CHRNA7: variants seen among roughly 807,000 people sequenced by gnomAD.
The protein encoded by CHRNA7 is cholinergic receptor nicotinic alpha 7 subunit, also known as neuronal acetylcholine receptor subunit alpha-7.
In CHRNA7, 17 loss-of-function variants were observed where a neutral mutation model predicts 48.0. The observed-to-expected ratio is 0.35, with a 90% CI of 0.24 to 0.53. The LOEUF is 0.53. Ranked by LOEUF, CHRNA7 falls within the 20% of genes least tolerant of loss-of-function variation. The pLI, the probability that CHRNA7 is intolerant of heterozygous loss-of-function variation, is 0.92. For missense variants in CHRNA7, 155 were observed against 577.7 expected (o/e 0.27, Z 7.50); for synonymous variants, 75 against 242.3 (o/e 0.31, Z 6.41).
intron 4 of CHRNA7, among the ~76,000 whole-genome samples, chr15:32,114,022 A>ATATATATATATATATATATATG (rs2050808547): frequency 3.3e-4 from 9 of 26,904 alleles, no homozygotes; most frequent in African/African-American, 7.6e-4. Flanking sequence ...ATCTCCAAAT[A>ATATATATATATATATATATATG]TATATATATA....
chr15:32,139,509 A>G (rs2051337134), intron 4 of CHRNA7, among the ~76,000 whole-genome samples: 1 of 152,034 alleles, frequency 6.6e-6, no homozygotes, highest in Non-Finnish European at 1.5e-5. Flanking sequence ...GTTGCTCTGC[A>G]TCCTTGCCAG....
intron 2 of CHRNA7, chr15:32,098,912 T>TACACACAC (rs1272048098): frequency 6.9e-4 from 39 of 56,792 alleles, no homozygotes; most frequent in South Asian, 4.5e-3. Context: ...ACACACACTT[T>TACACACAC]TTATTCTAGG....
Position 32,103,751 on chromosome 15 carries a change from G to A in CHRNA7, c.240+2404G>A, listed in dbSNP as rs890099866. On this transcript the variant is annotated intron_variant, in intron 3 of 9. Coordinates refer to ENST00000306901, the MANE Select transcript of CHRNA7 (RefSeq NM_000746.6). ...TGCCAGTAGCATCAAAATAGTGTCC[G>A]TGGGTCATTCTCACTCTTGTCTCTC... 2.6e-5 allele frequency among the ~76,000 whole-genome samples: 4 copies of A among 152,292 alleles called. No homozygotes were observed. The South Asian group carries it at 6.2e-4, about 24-fold the overall frequency.
intron 4 of CHRNA7, among the ~76,000 whole-genome samples, chr15:32,125,823 C>G (rs918529854): frequency 1.3e-5 from 2 of 151,348 alleles, no homozygotes; most frequent in Admixed American, 6.6e-5. Context: ...GTGAAAGACT[C>G]TGTCCTGCTG....
chr15:32,051,247 C>A (rs1299282023), intron 2 of CHRNA7, among the ~76,000 whole-genome samples: 3 of 151,856 alleles, frequency 2.0e-5, no homozygotes, highest in African/African-American at 7.2e-5. Context: ...GCCCTGCCCC[C>A]AGAGGTGGAG....
chr15:32,096,223 A>T (rs965845426), intron 2 of CHRNA7, among the ~76,000 whole-genome samples: 1 of 152,232 alleles, frequency 6.6e-6, no homozygotes, highest in African/African-American at 2.4e-5. Context: ...AACTCTGTTT[A>T]AGGGTTAGCT....
At chr15:32,035,128 C>T (rs1433068454) in intron 2 of CHRNA7, among the ~76,000 whole-genome samples, 2 of 152,220 alleles carry the variant, frequency 1.3e-5, no homozygotes, top group Non-Finnish European at 2.9e-5. Context: ...TATGCACACA[C>T]TGACTTCTGG....
intron 4 of CHRNA7, among the ~76,000 whole-genome samples, chr15:32,112,988 A>C (rs2050788750): frequency 6.6e-6 from 1 of 152,078 alleles, no homozygotes; most frequent in Admixed American, 6.6e-5. Context: ...CTAAAATAGG[A>C]GTAAGTGGTC....
intron 2 of CHRNA7, among the ~76,000 whole-genome samples, chr15:32,042,484 G>C (rs552131099): frequency 6.6e-6 from 1 of 152,308 alleles, no homozygotes; most frequent in East Asian, 1.9e-4. Context: ...TTTCCTGTGG[G>C]AACCTGGTAG....
chr15:32,143,552 A>G (rs987096249), intron 4 of CHRNA7, among the ~76,000 whole-genome samples: 2 of 152,168 alleles, frequency 1.3e-5, no homozygotes, highest in African/African-American at 4.8e-5. Flanking sequence ...GTGGGAGTCT[A>G]AGTCTCTTTG....
At chr15:32,105,371 GAGGAGGAAAAA>G (rs1023539340) in intron 3 of CHRNA7, among the ~76,000 whole-genome samples, 7 of 151,990 alleles carry the variant, frequency 4.6e-5, no homozygotes, top group Non-Finnish European at 7.4e-5. Context: ...GGAGAAGGAG[GAGGAGGAAAAA>G]AGGAGGAAAA....
chr15:32,115,006 T>C (rs950144567), intron 4 of CHRNA7, among the ~76,000 whole-genome samples: 11 of 152,198 alleles, frequency 7.2e-5, no homozygotes, highest in Admixed American at 5.9e-4. Flanking sequence ...TCCACAAGGC[T>C]CGGTGTCCCC....
intron 3 of CHRNA7, chr15:32,102,950 G>A (rs1440019621): frequency 6.6e-6 from 1 of 152,174 alleles, no homozygotes; most frequent in Non-Finnish European, 1.5e-5. Flanking sequence ...AAACCCACCT[G>A]ACCTTTGAAA....
rs538940364 is a variant in CHRNA7 at position 32,078,364 on chromosome 15, G to C, written c.196-22939G>C. 3.9e-5 allele frequency among the ~76,000 whole-genome samples: 6 copies of C among 152,140 alleles called. No homozygotes were observed. The East Asian group carries it at 1.2e-3, about 29-fold the overall frequency. ...TTATAGTTTTGCATTTTACATTTAGGTCTGTGATCCATTTTGAGTTAATTT... is the reference window on the plus strand; with the variant it reads ...TTATAGTTTTGCATTTTACATTTAGCTCTGTGATCCATTTTGAGTTAATTT... On this transcript the variant is annotated intron_variant, in intron 2 of 9. Transcript: ENST00000306901.
intron 2 of CHRNA7, among the ~76,000 whole-genome samples, chr15:32,079,859 G>T (rs1388418724): frequency 6.6e-6 from 1 of 150,554 alleles, no homozygotes; most frequent in African/African-American, 2.4e-5. Flanking sequence ...AAGCAAAAAA[G>T]AACAAAGCTG....
intron 2 of CHRNA7, among the ~76,000 whole-genome samples, chr15:32,035,812 T>TGAAGCTAGA (rs2141162421): frequency 6.6e-6 from 1 of 152,332 alleles, no homozygotes; most frequent in African/African-American, 2.4e-5. Context: ...CAGTTTTAGC[T>TGAAGCTAGA]TCACAGCAAA....
intron 2 of CHRNA7, among the ~76,000 whole-genome samples, chr15:32,051,437 G>T (rs564665620): frequency 6.6e-6 from 1 of 152,176 alleles, no homozygotes; most frequent in African/African-American, 2.4e-5. Flanking sequence ...CTCCATGGGC[G>T]TAGGACCCTC....
intron 4 of CHRNA7, among the ~76,000 whole-genome samples, chr15:32,133,130 A>G (rs566413836): frequency 6.6e-6 from 1 of 152,288 alleles, no homozygotes; most frequent in Admixed American, 6.5e-5. Flanking sequence ...CCTCATAGGG[A>G]TGAATTTCCA....
Position 32,030,884 on chromosome 15 carries a change from C to A in CHRNA7, c.56-14C>A, listed in dbSNP as rs764744176. The A allele has an allele frequency of 3.1e-6, 5 of 1,612,826 alleles. No homozygotes were observed. Among genetic ancestry groups the A allele is most frequent in the Non-Finnish European group, 3.4e-6 (4 of 1,179,696 alleles). Reference sequence around the variant, plus strand: ...CCTGCCCTGAGCCCCCTGCCCGGGTCTTCTCTCCTTAAGTGTCCCTGCAAG... The same window carrying A: ...CCTGCCCTGAGCCCCCTGCCCGGGTATTCTCTCCTTAAGTGTCCCTGCAAG... On this transcript the variant is annotated splice_polypyrimidine_tract_variant and intron_variant, in intron 1 of 9. Transcript: ENST00000306901.
Sources: gnomAD v4.1 joint callset for allele counts (sites outside exome capture counted in the v4.1 genomes callset) on GRCh38, gnomAD v4.1.1 for gene constraint, MANE v1.5 for transcripts, NCBI Gene and HGNC (gene_info 2026-07-23, HGNC 2026-07-21) for gene names.